The following FAT3 variants were observed in gnomAD, a reference collection of about 807,000 sequenced individuals.
FAT3 encodes FAT atypical cadherin 3.
In FAT3, 95 loss-of-function variants were observed where a neutral mutation model predicts 310.2. The ratio of observed to expected loss-of-function variants is 0.31; its 90% CI spans 0.26 to 0.36. The LOEUF (loss-of-function observed/expected upper bound fraction) is 0.36. Ranked by LOEUF, FAT3 falls within the 10% of genes least tolerant of loss-of-function variation. FAT3 has a pLI of 1.00. For missense variants in FAT3, 5,408 were observed against 5,715.6 expected (o/e 0.95, Z 1.74); for synonymous variants, 2,314 against 2,192.9 (o/e 1.06, Z -1.54).
chr11:92,490,829 G>C (rs1394875594), intron 2 of FAT3, among the ~76,000 whole-genome samples: 1 of 152,106 alleles, frequency 6.6e-6, no homozygotes, highest in African/African-American at 2.4e-5. Context: ...TGCTGATCTT[G>C]CTAGGCAGCT....
intron 2 of FAT3, among the ~76,000 whole-genome samples, chr11:92,442,806 G>A (rs1279411884): frequency 6.6e-6 from 1 of 152,132 alleles, no homozygotes; most frequent in Non-Finnish European, 1.5e-5. Context: ...CCAAATGACA[G>A]GTTCATTTTT....
intron 3 of FAT3, chr11:92,559,664 C>G: frequency 6.0e-6 from 1 of 167,362 alleles, no homozygotes; most frequent in Non-Finnish European, 1.3e-5. Flanking sequence ...GCATGAGCCA[C>G]TGTGCCCAGC....
chr11:92,881,914 C>T (rs76208224), intron 23 of FAT3, among the ~76,000 whole-genome samples: 2,037 of 152,258 alleles, frequency 0.013, 56 homozygotes, highest in African/African-American at 0.046. Context: ...TTAACATAAG[C>T]ACAGAATGTT....
intron 7 of FAT3, among the ~76,000 whole-genome samples, chr11:92,787,060 T>G (rs74448571): frequency 1.2e-3 from 181 of 152,284 alleles, no homozygotes; most frequent in Non-Finnish European, 2.2e-3. Context: ...TACTACTGGA[T>G]GTCAGTAACA....
chr11:92,656,516 C>T (rs1942588761), intron 3 of FAT3, among the ~76,000 whole-genome samples: 1 of 152,186 alleles, frequency 6.6e-6, no homozygotes, highest in African/African-American at 2.4e-5. Context: ...GATGTAATGG[C>T]ACAACCAAAC....
intron 2 of FAT3, among the ~76,000 whole-genome samples, chr11:92,426,306 A>G (rs774412408): frequency 5.3e-5 from 8 of 152,166 alleles, no homozygotes; most frequent in Non-Finnish European, 1.0e-4. Flanking sequence ...ATAGATTGCA[A>G]AAATGTTCTC....
At chr11:92,371,574 G>A (rs1324781576) in intron 2 of FAT3, among the ~76,000 whole-genome samples, 4 of 152,132 alleles carry the variant, frequency 2.6e-5, no homozygotes, top group African/African-American at 7.2e-5. Context: ...AAAATCAGCC[G>A]AGTGTGGTGG....
intron 1 of FAT3, among the ~76,000 whole-genome samples, chr11:92,271,274 C>T (rs1235683414): frequency 1.3e-5 from 2 of 152,054 alleles, no homozygotes; most frequent in Non-Finnish European, 2.9e-5. Context: ...CCACTGAATC[C>T]CTAGTCTCTG....
rs546074226 is a variant in FAT3 at position 92,620,418 on chromosome 11, A to G, written c.3608-76966A>G. ...TTCTATTTTATGGTTGATCTTTTGC[A>G]TAGTTGTTCCATGGCACATGTACTT... is the stretch of plus-strand genomic sequence containing the variant. On this transcript the variant is annotated intron_variant, in intron 3 of 27. Transcript: ENST00000525166. Among the ~76,000 whole-genome samples, 6 of 152,316 alleles carry G rather than the reference A, an allele frequency of 3.9e-5. No homozygotes were observed. In the South Asian group the frequency reaches 1.0e-3, roughly 26 times the overall value.
intron 2 of FAT3, among the ~76,000 whole-genome samples, chr11:92,516,285 C>G (rs1465729658): frequency 1.3e-5 from 2 of 152,132 alleles, no homozygotes. Context: ...AAAAGTGTAT[C>G]CACCATGATC....
chr11:92,450,319 T>C lies in FAT3; in HGVS notation c.3293-74315T>C, dbSNP rs139364960. 2.1e-3 allele frequency among the ~76,000 whole-genome samples: 315 copies of C among 152,348 alleles called. 2 individuals are homozygous for C. The highest frequency in any genetic ancestry group is 7.4e-3 in the African/African-American group (307 of 41,590). On this transcript the variant is annotated intron_variant, in intron 2 of 27. Coordinates refer to ENST00000525166, the MANE Select transcript of FAT3 (RefSeq NM_001367949.2). ...AACTGCATCCTCTTCAAGGACAGCT[T>C]GCACAGCCTTCTTGAAGGGTAGGAC...
chr11:92,776,926 C>T (rs1353540411), intron 7 of FAT3, among the ~76,000 whole-genome samples: 5 of 152,180 alleles, frequency 3.3e-5, no homozygotes, highest in African/African-American at 1.2e-4. Flanking sequence ...CAATCCAGGC[C>T]TCTCTCACAC....
chr11:92,629,972 T>C (rs948215169), intron 3 of FAT3, among the ~76,000 whole-genome samples: 3 of 152,214 alleles, frequency 2.0e-5, no homozygotes, highest in African/African-American at 7.2e-5. Context: ...CTTTGTTTTT[T>C]TTAGCAAGCT....
chr11:92,392,688 C>T (rs765136513), intron 2 of FAT3, among the ~76,000 whole-genome samples: 1 of 152,172 alleles, frequency 6.6e-6, no homozygotes, highest in African/African-American at 2.4e-5. Flanking sequence ...TGTCTGGTTT[C>T]CTGTTGTATC....
At chr11:92,889,085 C>A (rs1303944822) in intron 25 of FAT3, 104 bp from the exon 26 acceptor site, 2 of 569,842 alleles carry the variant, frequency 3.5e-6, no homozygotes, top group Non-Finnish European at 6.4e-6. Flanking sequence ...GCCGCACCTT[C>A]ATTGTTGCTG....
intron 4 of FAT3, among the ~76,000 whole-genome samples, chr11:92,732,130 T>G (rs1945199629): frequency 6.6e-6 from 1 of 152,188 alleles, no homozygotes; most frequent in African/African-American, 2.4e-5. Context: ...CACATCAATT[T>G]ACTAATTGTT....
intron 3 of FAT3, among the ~76,000 whole-genome samples, chr11:92,531,483 A>G (rs1347191804): frequency 6.6e-6 from 1 of 152,110 alleles, no homozygotes; most frequent in African/African-American, 2.4e-5. Context: ...GTGGTGTATT[A>G]TATAGCATAA....
intron 2 of FAT3, among the ~76,000 whole-genome samples, chr11:92,427,127 A>T (rs573638096): frequency 3.8e-4 from 57 of 151,962 alleles, no homozygotes; most frequent in African/African-American, 1.4e-3. Context: ...TATTTTATTC[A>T]CTTTGTAGCA....
intron 3 of FAT3, among the ~76,000 whole-genome samples, chr11:92,561,735 C>T (rs1231343711): frequency 6.6e-6 from 1 of 152,160 alleles, no homozygotes; most frequent in Non-Finnish European, 1.5e-5. Flanking sequence ...AAGCAATTCT[C>T]CTGCCTCAGC....
Sources: allele counts gnomAD v4.1 joint callset (sites outside exome capture counted in the v4.1 genomes callset), GRCh38; gene constraint gnomAD v4.1.1; transcripts MANE v1.5; gene names NCBI Gene and HGNC (gene_info 2026-07-23, HGNC 2026-07-21).